Variants in SMIM35 observed in about 807,000 individuals in gnomAD.
SMIM35 encodes TMPRSS4 antisense RNA 1 (non-protein coding).
intron 1 of SMIM35, among the ~76,000 whole-genome samples, chr11:118,063,734 A>C (rs1295657013): frequency 6.6e-6 from 1 of 152,304 alleles, no homozygotes; most frequent in African/African-American, 2.4e-5. Flanking sequence ...AATCATGCTT[A>C]TGTAACGAAG....
At chr11:118,023,508 C>T (rs2058248662) in intron 1 of SMIM35, among the ~76,000 whole-genome samples, 1 of 123,332 alleles carries the variant, frequency 8.1e-6, no homozygotes, top group South Asian at 3.4e-4. Flanking sequence ...TCCACCCTCC[C>T]CCCACCCCAC....
intron 1 of SMIM35, among the ~76,000 whole-genome samples, chr11:118,043,020 A>G (rs1487127106): frequency 1.3e-5 from 2 of 152,258 alleles, no homozygotes; most frequent in Admixed American, 1.3e-4. Flanking sequence ...AAGAGCCTTT[A>G]TGAGAAACCC....
At chr11:118,026,691 G>T (rs2058276415) in intron 1 of SMIM35, among the ~76,000 whole-genome samples, 1 of 152,178 alleles carries the variant, frequency 6.6e-6, no homozygotes, top group Admixed American at 6.5e-5. Flanking sequence ...CTTAGGCTGG[G>T]CGTGGTGGCT....
intron 1 of SMIM35, among the ~76,000 whole-genome samples, chr11:118,024,599 A>C (rs1039085759): frequency 1.3e-5 from 2 of 152,040 alleles, no homozygotes; most frequent in African/African-American, 4.8e-5. Flanking sequence ...CAGCCTCCCA[A>C]GTAGCTGGGA....
chr11:118,038,588 G>T (rs1442243350), intron 1 of SMIM35, among the ~76,000 whole-genome samples: 2 of 151,950 alleles, frequency 1.3e-5, no homozygotes, highest in East Asian at 3.8e-4. Context: ...TTGCAATGTT[G>T]GCCTCAACAC....
At chr11:118,081,730 T>C (rs1945155326) in intron 1 of SMIM35, among the ~76,000 whole-genome samples, 1 of 151,362 alleles carries the variant, frequency 6.6e-6, no homozygotes, top group South Asian at 2.1e-4. Flanking sequence ...GCTGTCTCAG[T>C]TTCTTCCTCT....
chr11:118,085,327 G>A (rs1019309483), intron 1 of SMIM35, among the ~76,000 whole-genome samples: 3 of 151,166 alleles, frequency 2.0e-5, no homozygotes, highest in South Asian at 2.1e-4. Context: ...AGGTTCAAGC[G>A]ATTCTCCTGC....
rs990617121 is a variant in SMIM35, at chr11:118,008,829, A to G, written c.*34-2453T>C. ...AGGTTTAAAACCTGATTCTGCCTGCAAGAAATGCCCATCAAATAGGAGAAA... is the reference window on the plus strand; with the variant it reads ...AGGTTTAAAACCTGATTCTGCCTGCGAGAAATGCCCATCAAATAGGAGAAA... On this transcript the variant is annotated intron_variant, in intron 4 of 4. Coordinates refer to ENST00000689828, the MANE Select transcript of SMIM35 (RefSeq NM_001394165.1). 3.3e-5 allele frequency among the ~76,000 whole-genome samples: 5 copies of G among 152,384 alleles called. No homozygotes were observed. The East Asian group carries it at 9.6e-4, about 29-fold the overall frequency.
intron 1 of SMIM35, among the ~76,000 whole-genome samples, chr11:118,043,611 C>T (rs1321390456): frequency 6.6e-6 from 1 of 151,846 alleles, no homozygotes; most frequent in Non-Finnish European, 1.5e-5. Context: ...GATTTCAAGA[C>T]CACCCTGGCT....
At chr11:118,007,067 A>C (rs1474049385) in intron 4 of SMIM35, among the ~76,000 whole-genome samples, 1 of 152,086 alleles carries the variant, frequency 6.6e-6, no homozygotes. Context: ...ACGCACACGC[A>C]CACACACACA....
chr11:118,067,234 T>C (rs917269645), intron 1 of SMIM35: 20 of 152,214 alleles, frequency 1.3e-4, no homozygotes, highest in African/African-American at 4.6e-4. Context: ...ATATTACAAA[T>C]GCACCAGGTG....
intron 1 of SMIM35, among the ~76,000 whole-genome samples, chr11:118,041,060 A>C (rs1404973037): frequency 6.6e-6 from 1 of 152,160 alleles, no homozygotes; most frequent in Non-Finnish European, 1.5e-5. Context: ...GTATTAAGCT[A>C]TCTGAAGTGA....
intron 1 of SMIM35, among the ~76,000 whole-genome samples, chr11:118,039,904 G>A (rs554313989): frequency 6.6e-6 from 1 of 152,074 alleles, no homozygotes. Context: ...AATTAGCCGG[G>A]TGTGGTGGCA....
intron 4 of SMIM35, among the ~76,000 whole-genome samples, chr11:118,007,886 T>C (rs879010125): frequency 2.0e-5 from 3 of 152,000 alleles, no homozygotes; most frequent in African/African-American, 7.2e-5. Context: ...TTTTTTTTTT[T>C]TCTTTTGACA....
At chr11:118,060,190 C>T (rs1472049217) in intron 1 of SMIM35, among the ~76,000 whole-genome samples, 1 of 152,218 alleles carries the variant, frequency 6.6e-6, no homozygotes, top group African/African-American at 2.4e-5. Flanking sequence ...CCAGGTCCCC[C>T]ACCCATGTGG....
intron 1 of SMIM35, among the ~76,000 whole-genome samples, chr11:118,027,341 C>T (rs1018814222): frequency 2.7e-5 from 4 of 149,582 alleles, no homozygotes; most frequent in East Asian, 2.0e-4. Context: ...TTTTTTTTTG[C>T]GTGGTAGATT....
intron 1 of SMIM35, among the ~76,000 whole-genome samples, chr11:118,060,173 C>T (rs185248151): frequency 6.6e-6 from 1 of 152,164 alleles, no homozygotes; most frequent in Non-Finnish European, 1.5e-5. Flanking sequence ...ACTCACATGC[C>T]TCTCCTCCAG....
At chr11:118,014,521 T>C (rs757220241) in intron 3 of SMIM35, among the ~76,000 whole-genome samples, 187 bp downstream of exon 3, 3 of 152,088 alleles carry the variant, frequency 2.0e-5, no homozygotes, top group Non-Finnish European at 2.9e-5. Flanking sequence ...CATAGTCCTG[T>C]CTGTGTTCAA....
At position 118,038,053 on chromosome 11, in the gene SMIM35, C is replaced by T. The variant is rs1481656494; in HGVS notation, c.8-22244G>A. Among the ~76,000 whole-genome samples the T allele has an allele frequency of 3.3e-5, 5 of 152,176 alleles. No homozygotes were observed. In the East Asian group the frequency reaches 9.6e-4, roughly 29 times the overall value. ...GTCCATTTCTTATGTATTAAAAGCC[C>T]TCAGTGATTCAATTAGATTGTCCCA... On this transcript the variant is annotated intron_variant, in intron 1 of 4. Transcript: ENST00000689828.
Sources: allele counts gnomAD v4.1 joint callset (sites outside exome capture counted in the v4.1 genomes callset), GRCh38; gene constraint gnomAD v4.1.1; transcripts MANE v1.5; gene names NCBI Gene and HGNC (gene_info 2026-07-23, HGNC 2026-07-21).